Variants in C1orf21 observed in about 807,000 individuals in gnomAD.
C1orf21 encodes uncharacterized protein C1orf21.
Under a neutral mutation model 18.7 loss-of-function variants are expected in C1orf21, and 3 were observed. That is an observed-to-expected ratio of 0.16 (90% CI 0.07 to 0.42). The LOEUF is 0.42. Ranked by LOEUF, C1orf21 falls within the 10% of genes least tolerant of loss-of-function variation. The pLI, the probability that C1orf21 is intolerant of heterozygous loss-of-function variation, is 0.99. For missense variants in C1orf21, 104 were observed against 143.6 expected, an observed-to-expected ratio of 0.72 and a Z score of 1.41; for synonymous variants, 41 against 46.4, an observed-to-expected ratio of 0.88 and a Z score of 0.47.
At chr1:184,596,047 G>C (rs1375362828) in intron 4 of C1orf21, among the ~76,000 whole-genome samples, 1 of 152,322 alleles carries the variant, frequency 6.6e-6, no homozygotes. Context: ...TCAAGCTCCT[G>C]ATAGGGATCC....
At chr1:184,482,933 G>T (rs1315281157) in intron 2 of C1orf21, among the ~76,000 whole-genome samples, 1 of 152,196 alleles carries the variant, frequency 6.6e-6, no homozygotes, top group East Asian at 1.9e-4. Flanking sequence ...TCTGTAGCAT[G>T]TTCCACCATG....
At chr1:184,440,697 A>G (rs1656929829) in intron 1 of C1orf21, among the ~76,000 whole-genome samples, 2 of 152,206 alleles carry the variant, frequency 1.3e-5, no homozygotes, top group Non-Finnish European at 2.9e-5. Flanking sequence ...AATATCTTTG[A>G]TACTTACAGG....
intron 4 of C1orf21, among the ~76,000 whole-genome samples, chr1:184,594,555 T>G (rs1454572558): frequency 2.0e-5 from 3 of 152,194 alleles, no homozygotes; most frequent in African/African-American, 7.2e-5. Context: ...AGAAAGGAAT[T>G]ATTTTAACAA....
intron 1 of C1orf21, among the ~76,000 whole-genome samples, chr1:184,436,060 A>C (rs1403802065): frequency 6.6e-6 from 1 of 152,068 alleles, no homozygotes; most frequent in Non-Finnish European, 1.5e-5. Context: ...AGAGAAGAGA[A>C]TGGGACGTGT....
At chr1:184,535,445 A>C (rs1658536840) in intron 3 of C1orf21, among the ~76,000 whole-genome samples, 1 of 152,228 alleles carries the variant, frequency 6.6e-6, no homozygotes, top group Non-Finnish European at 1.5e-5. Context: ...CAATAAGGTC[A>C]GATGTTTTTG....
chr1:184,551,794 G>A, intron 3 of C1orf21, among the ~76,000 whole-genome samples: 1 of 152,200 alleles, frequency 6.6e-6, no homozygotes, highest in South Asian at 2.1e-4. Context: ...ATCACTCGAG[G>A]CTAGGAGTTT....
chr1:184,429,130 C>T (rs1484419006), intron 1 of C1orf21, among the ~76,000 whole-genome samples: 1 of 152,202 alleles, frequency 6.6e-6, no homozygotes, highest in African/African-American at 2.4e-5. Flanking sequence ...TTTGATTACT[C>T]AGATGAATTC....
At chr1:184,412,419 C>G (rs902083465) in intron 1 of C1orf21, 2 of 152,130 alleles carry the variant, frequency 1.3e-5, no homozygotes, top group African/African-American at 2.4e-5. Context: ...TTGCTTGTTT[C>G]TTAAAGAAAC....
intron 3 of C1orf21, among the ~76,000 whole-genome samples, chr1:184,569,960 G>T (rs1171522730): frequency 6.6e-6 from 1 of 152,170 alleles, no homozygotes; most frequent in Non-Finnish European, 1.5e-5. Context: ...CATGGACACT[G>T]CAGTCTGGTC....
chr1:184,484,509 G>T (rs1310767172), intron 2 of C1orf21, among the ~76,000 whole-genome samples: 1 of 152,120 alleles, frequency 6.6e-6, no homozygotes, highest in Admixed American at 6.5e-5. Context: ...TTGTGAGCTG[G>T]TTAGCTCCCC....
At chr1:184,554,337 C>G (rs548037199) in intron 3 of C1orf21, among the ~76,000 whole-genome samples, 2 of 152,172 alleles carry the variant, frequency 1.3e-5, no homozygotes, top group East Asian at 3.9e-4. Context: ...TCAGGCATTC[C>G]CCTGTGTTTT....
At chr1:184,449,704 T>C (rs1166724381) in intron 1 of C1orf21, among the ~76,000 whole-genome samples, 1 of 152,180 alleles carries the variant, frequency 6.6e-6, no homozygotes. Flanking sequence ...ACGGTTTTAG[T>C]TGGAAAAGTC....
At chr1:184,436,379 C>G (rs185587334) in intron 1 of C1orf21, among the ~76,000 whole-genome samples, 1 of 151,936 alleles carries the variant, frequency 6.6e-6, no homozygotes, top group Non-Finnish European at 1.5e-5. Context: ...TGGCAGTGGT[C>G]GGCTTGGAGA....
intron 3 of C1orf21, among the ~76,000 whole-genome samples, chr1:184,534,258 C>T (rs748214026): frequency 3.0e-4 from 45 of 152,052 alleles, no homozygotes; most frequent in Non-Finnish European, 4.4e-4. Context: ...TCTGTTTAAG[C>T]GAATTTAGAA....
chr1:184,478,615 A>C (rs1373604733), intron 2 of C1orf21, among the ~76,000 whole-genome samples: 1 of 152,174 alleles, frequency 6.6e-6, no homozygotes, highest in Non-Finnish European at 1.5e-5. Context: ...CGGTGCATGC[A>C]CACCGAGTTC....
At chr1:184,413,141 A>G (rs1656383782) in intron 1 of C1orf21, among the ~76,000 whole-genome samples, 2 of 152,320 alleles carry the variant, frequency 1.3e-5, no homozygotes, top group South Asian at 2.1e-4. Flanking sequence ...TCTTTGGTGG[A>G]CACCTGTTGC....
At chr1:184,523,300 A>C (rs578185451) in intron 3 of C1orf21, among the ~76,000 whole-genome samples, 1 of 152,146 alleles carries the variant, frequency 6.6e-6, no homozygotes, top group Non-Finnish European at 1.5e-5. Flanking sequence ...AAGTCATGTT[A>C]ATAGCATGTA....
At chr1:184,558,493 T>C (rs1044268510) in intron 3 of C1orf21, among the ~76,000 whole-genome samples, 6 of 152,192 alleles carry the variant, frequency 3.9e-5, no homozygotes, top group African/African-American at 1.4e-4. Flanking sequence ...AACCATTAGA[T>C]TGTAAGCATC....
Position 184,596,885 on chromosome 1 carries a change from A to AAAAG in C1orf21, c.267-1504_267-1501dup, listed in dbSNP as rs373234679. Among the ~76,000 whole-genome samples, 247 of 148,936 alleles carry AAAAG rather than the reference A, an allele frequency of 1.7e-3. 1 individual carries two copies. Among genetic ancestry groups the AAAAG allele is most frequent in the East Asian group, 6.4e-3 (32 of 5,038 alleles). On this transcript the variant is annotated intron_variant, in intron 4 of 5. Coordinates refer to ENST00000235307, the MANE Select transcript of C1orf21 (RefSeq NM_030806.4). Reference sequence around the variant, plus strand: ...GACGACTCTGTCTCAAAAAAAAAAAAAAAGAAAGAAAGAAAAGAAAAGAAA... The same window carrying AAAAG: ...GACGACTCTGTCTCAAAAAAAAAAAAAAAGAAAGAAAGAAAGAAAAGAAAAGAAA...
Sources: gnomAD v4.1 joint callset for allele counts (sites outside exome capture counted in the v4.1 genomes callset) on GRCh38, gnomAD v4.1.1 for gene constraint, MANE v1.5 for transcripts, NCBI Gene and HGNC (gene_info 2026-07-23, HGNC 2026-07-21) for gene names.